TNKS: variants seen among roughly 807,000 people sequenced by gnomAD.
TNKS encodes tankyrase, also known as poly [ADP-ribose] polymerase tankyrase-1.
In TNKS, 72 loss-of-function variants were observed where a neutral mutation model predicts 135.8. The ratio of observed to expected loss-of-function variants is 0.53; its 90% confidence interval spans 0.44 to 0.64. The LOEUF (loss-of-function observed/expected upper bound fraction) is 0.64, where lower values mean the gene tolerates loss of function less well. Ranked by LOEUF, TNKS falls within the 30% of genes least tolerant of loss-of-function variation. TNKS has a pLI of 0.00. For missense variants in TNKS, 1,769 were observed against 1,674.0 expected, an observed-to-expected ratio of 1.06 and a Z score of -0.99; for synonymous variants, 849 against 649.3, an observed-to-expected ratio of 1.31 and a Z score of -4.68.
rs562050466 is a variant in TNKS, at chr8:9,704,125, A to G, written c.1108-538A>G. ...AGTTTTGACCATTACTAGCCGCCGT[A>G]CAGAATGAATAAGGCCCATTGTCCT... On this transcript the variant is annotated intron_variant, in intron 5 of 26. Transcript: ENST00000310430. Among the ~76,000 whole-genome samples, 7 of 152,348 alleles carry G rather than the reference A, an allele frequency of 4.6e-5. No homozygotes were observed. The South Asian group carries it at 8.3e-4, about 18-fold the overall frequency.
chr8:9,574,324 A>G (rs904832606), intron 1 of TNKS, among the ~76,000 whole-genome samples: 1 of 152,156 alleles, frequency 6.6e-6, no homozygotes, highest in Non-Finnish European at 1.5e-5. Context: ...GGCGCCTCTA[A>G]AAATAGAGTT....
At position 9,598,797 on chromosome 8, in the gene TNKS, A is replaced by G. The variant is rs186942179; in HGVS notation, c.899-16785A>G. On this transcript the variant is annotated intron_variant, in intron 2 of 26. Coordinates refer to ENST00000310430, the MANE Select transcript of TNKS (RefSeq NM_003747.3). Reference sequence around the variant, plus strand: ...TATATATATATATATATATATATATATATATATATATATATATATATGAAT... The same window carrying G: ...TATATATATATATATATATATATATGTATATATATATATATATATATGAAT... Among the ~76,000 whole-genome samples, 46 of 86,912 alleles carry G rather than the reference A, an allele frequency of 5.3e-4. 1 individual carries two copies. The highest frequency in any genetic ancestry group is 1.2e-3 in the African/African-American group (26 of 21,668). The allele number at this position is 86,912 out of a possible 152,430, so 57.0% of individuals were successfully genotyped here.
Position 9,776,776 on chromosome 8 carries a change from G to T in TNKS, c.*40G>T, listed in dbSNP as rs1585463735. ...TGAAGGCCAGATCAGATTTCAACCTGGGACTGGATTACAGAGGATTGTTTC... is the reference window on the plus strand; with the variant it reads ...TGAAGGCCAGATCAGATTTCAACCTTGGACTGGATTACAGAGGATTGTTTC... On this transcript the variant is annotated 3_prime_UTR_variant, in exon 27 of 27. Transcript: ENST00000310430. The T allele has an allele frequency of 1.9e-6, 3 of 1,569,774 alleles. No homozygotes were observed. In the East Asian group the frequency reaches 6.7e-5, roughly 35 times the overall value.
At chr8:9,679,271 A>G (rs1312624766) in intron 3 of TNKS, among the ~76,000 whole-genome samples, 1 of 152,208 alleles carries the variant, frequency 6.6e-6, no homozygotes, top group African/African-American at 2.4e-5. Context: ...ATGAAGTATT[A>G]AGATTACAGC....
At chr8:9,566,770 G>A (rs975311238) in intron 1 of TNKS, among the ~76,000 whole-genome samples, 5 of 151,124 alleles carry the variant, frequency 3.3e-5, no homozygotes, top group Non-Finnish European at 7.4e-5. Context: ...CACCGCGCCC[G>A]GCTAATTTTT....
chr8:9,569,463 C>T (rs1304217854), intron 1 of TNKS, among the ~76,000 whole-genome samples: 1 of 152,174 alleles, frequency 6.6e-6, no homozygotes, highest in East Asian at 1.9e-4. Context: ...ATACATGATA[C>T]TATATAGTCA....
chr8:9,602,366 G>T (rs1403863893), intron 2 of TNKS, among the ~76,000 whole-genome samples: 1 of 152,156 alleles, frequency 6.6e-6, no homozygotes, highest in Non-Finnish European at 1.5e-5. Flanking sequence ...GAGAGTTGTG[G>T]AATACCCTGT....
chr8:9,565,596 C>T (rs1430772202), intron 1 of TNKS, among the ~76,000 whole-genome samples: 1 of 152,050 alleles, frequency 6.6e-6, no homozygotes, highest in African/African-American at 2.4e-5. Flanking sequence ...CGTGGTGGCT[C>T]ACGCCTGTAA....
intron 17 of TNKS, among the ~76,000 whole-genome samples, chr8:9,742,839 AATAC>A (rs1350365154): frequency 1.3e-4 from 19 of 151,196 alleles, no homozygotes; most frequent in South Asian, 8.3e-4. Flanking sequence ...AGGAGTAATA[AATAC>A]ATACATTTAT....
In TNKS at chr8:9,556,593, T is replaced by A. The variant is rs765748038; in HGVS notation, c.654T>A (p.Ser218=). 6.2e-7 allele frequency: 1 copy of A among 1,613,510 alleles called. No homozygotes were observed. Among genetic ancestry groups the A allele is most frequent in the South Asian group, 1.1e-5 (1 of 91,084 alleles). The change falls in exon 1 of 27, where the codon TCT becomes TCA. Residue 218 remains serine, a synonymous_variant. Transcript: ENST00000310430. The stretch of plus-strand genomic sequence containing the variant: ...AGGACATGGCCGGCCGGAAGTCTTC[T>A]CCCCTGCACTTCGCTGCAGGTCAGA... ...NAKDMAGRKS[S]PLHFAAGFGR...
Position 9,709,947 on chromosome 8 carries a change from C to CT in TNKS, c.1579-5dup. 1 of 1,611,870 alleles carries CT rather than the reference C, an allele frequency of 6.2e-7. No homozygotes were observed. The highest frequency in any genetic ancestry group is 1.3e-5 in the African/African-American group (1 of 74,956). ...TATTTTATTAACTTGGTTTTGTTTA[C>CT]TTTATAGCACTGTGCTGTGGCCTCT... On this transcript the variant is annotated splice_polypyrimidine_tract_variant and splice_region_variant and intron_variant, in intron 9 of 26. Transcript: ENST00000310430.
chr8:9,614,799 C>T, intron 2 of TNKS, among the ~76,000 whole-genome samples: 1 of 152,170 alleles, frequency 6.6e-6, no homozygotes, highest in Non-Finnish European at 1.5e-5. Context: ...ACACCACATA[C>T]CAGATGTGGC....
chr8:9,731,176 T>C (rs1402238413), intron 14 of TNKS, 141 bp downstream of exon 14: 8 of 1,145,192 alleles, frequency 7.0e-6, no homozygotes, highest in Admixed American at 3.4e-5. Context: ...AACATAGAAA[T>C]GTGCCAGGCA....
intron 1 of TNKS, among the ~76,000 whole-genome samples, chr8:9,565,838 CA>C: frequency 6.6e-6 from 1 of 152,026 alleles, no homozygotes; most frequent in African/African-American, 2.4e-5. Flanking sequence ...GCCTGGGTGA[CA>C]GAGCAAGACT....
intron 17 of TNKS, among the ~76,000 whole-genome samples, chr8:9,746,477 T>A (rs1188796226): frequency 6.6e-6 from 1 of 152,170 alleles, no homozygotes. Flanking sequence ...TCCTTTATAG[T>A]TCTTCTCCAG....
At chr8:9,570,518 A>AC (rs1317559650) in intron 1 of TNKS, among the ~76,000 whole-genome samples, 1 of 152,164 alleles carries the variant, frequency 6.6e-6, no homozygotes, top group Non-Finnish European at 1.5e-5. Flanking sequence ...GGGTAGAATA[A>AC]CCAACTGCTT....
chr8:9,578,000 G>A (rs1461976480), intron 1 of TNKS, among the ~76,000 whole-genome samples: 3 of 152,166 alleles, frequency 2.0e-5, no homozygotes, highest in Admixed American at 1.3e-4. Context: ...CATGGACTTC[G>A]AAACCCAGCA....
intron 1 of TNKS, among the ~76,000 whole-genome samples, chr8:9,568,275 T>A (rs1045797781): frequency 1.3e-5 from 2 of 152,220 alleles, no homozygotes; most frequent in African/African-American, 4.8e-5. Context: ...TGGCTTGAGC[T>A]GTAAGGTTTT....
At chr8:9,641,753 A>G (rs188615460) in intron 3 of TNKS, among the ~76,000 whole-genome samples, 1 of 145,562 alleles carries the variant, frequency 6.9e-6, no homozygotes, top group Admixed American at 7.3e-5. Context: ...GCCAGTTATG[A>G]TGATATATTA....
Sources: gnomAD v4.1 joint callset for allele counts (sites outside exome capture counted in the v4.1 genomes callset) on GRCh38, gnomAD v4.1.1 for gene constraint, MANE v1.5 for transcripts, NCBI Gene and HGNC (gene_info 2026-07-23, HGNC 2026-07-21) for gene names.